Variants in LAMA3 observed in about 807,000 individuals in gnomAD.
LAMA3 encodes the protein laminin subunit alpha 3, also known as laminin subunit alpha-3.
Under a neutral mutation model 402.0 loss-of-function variants are expected in LAMA3, and 281 were observed. That is an observed-to-expected ratio of 0.70 (90% confidence interval 0.63 to 0.77). The LOEUF (loss-of-function observed/expected upper bound fraction) is 0.77. LAMA3 is among the 30% of genes least tolerant of loss of function. The pLI, the probability that LAMA3 is intolerant of heterozygous loss-of-function variation, is 0.00. For missense variants in LAMA3, 3,840 were observed against 4,215.5 expected (o/e 0.91, Z 2.47); for synonymous variants, 1,431 against 1,558.4 (o/e 0.92, Z 1.93).
intron 2 of LAMA3, among the ~76,000 whole-genome samples, chr18:23,738,815 C>G (rs1177406605): frequency 6.6e-6 from 1 of 152,192 alleles, no homozygotes; most frequent in Non-Finnish European, 1.5e-5. Flanking sequence ...GCATCACTTG[C>G]TCTAGATGCA....
In LAMA3 at chr18:23,748,060, C is replaced by G; in HGVS notation, c.565C>G (p.His189Asp). 2 of 1,515,372 alleles carry G rather than the reference C, an allele frequency of 1.3e-6. No homozygotes were observed. Among genetic ancestry groups the G allele is most frequent in the Non-Finnish European group, 1.8e-6 (2 of 1,089,902 alleles). 93.9% of individuals were successfully genotyped at this position (1,515,372 alleles called of 1,614,324 possible). The change falls in exon 3 of 75, where the codon CAT becomes GAT. Residue 189 changes from histidine to aspartate, a missense_variant and splice_region_variant. His to Asp is a moderately conservative substitution (Grantham distance 81). This residue lies in a region of LAMA3 where 2,109 missense variants were observed against 2,376.0 expected (regional missense o/e 0.89). Coordinates refer to ENST00000313654, the MANE Select transcript of LAMA3 (RefSeq NM_198129.4). Reference protein sequence around the residue: ...STYSPWQYFAHSKVDCLKEFG... With the variant: ...STYSPWQYFADSKVDCLKEFG... Reference sequence around the variant, plus strand: ...CTACTCACCATGGCAATATTTTGCTCGTAAGTAATCTTGCCTACCATGTTA... The same window carrying G: ...CTACTCACCATGGCAATATTTTGCTGGTAAGTAATCTTGCCTACCATGTTA...
rs143606573 is a variant in LAMA3, at chr18:23,746,433, A to G, written c.448-1510A>G. On this transcript the variant is annotated intron_variant, in intron 2 of 74. Coordinates refer to ENST00000313654, the MANE Select transcript of LAMA3 (RefSeq NM_198129.4). The stretch of plus-strand genomic sequence containing the variant: ...GTCCTCCTTCCTCCATTACAGATCT[A>G]TGTGAGGCCAGATCTTCAAATACTT... 3.1e-3 allele frequency among the ~76,000 whole-genome samples: 478 copies of G among 152,212 alleles called. 3 individuals are homozygous for G. Among genetic ancestry groups the G allele is most frequent in the Non-Finnish European group, 2.5e-3 (167 of 68,012 alleles).
chr18:23,936,325 G>C (rs1054914373), intron 67 of LAMA3, among the ~76,000 whole-genome samples: 1 of 151,128 alleles, frequency 6.6e-6, no homozygotes, highest in Non-Finnish European at 1.5e-5. Flanking sequence ...TGTCATGTTG[G>C]TGTGCTGCAC....
In LAMA3 at chr18:23,912,889, T is replaced by C. The variant is rs749214371; in HGVS notation, c.7329+8T>C. On this transcript the variant is annotated splice_region_variant and intron_variant, in intron 56 of 74. Transcript: ENST00000313654. ...TACCTTGGAAATAAAGATGTAAGTA[T>C]TGCTTGGACATCTCTCTTGTTTTTG... The C allele has an allele frequency of 1.9e-6, 3 of 1,610,416 alleles. No individual in the cohort carries two copies. The highest frequency in any genetic ancestry group is 2.7e-5 in the African/African-American group (2 of 74,868).
chr18:23,706,384 T>C (rs1480387717), intron 1 of LAMA3, among the ~76,000 whole-genome samples: 2 of 152,190 alleles, frequency 1.3e-5, no homozygotes, highest in African/African-American at 4.8e-5. Flanking sequence ...ATTTCAACTT[T>C]AGGTGGTAAT....
At chr18:23,778,339 TG>T (rs2062366601) in intron 11 of LAMA3, among the ~76,000 whole-genome samples, 1 of 152,206 alleles carries the variant, frequency 6.6e-6, no homozygotes, top group African/African-American at 2.4e-5. Context: ...CCAGCTTTCT[TG>T]GAGCTTATAT....
chr18:23,948,679 C>G (rs553331040), intron 70 of LAMA3, among the ~76,000 whole-genome samples: 1 of 152,074 alleles, frequency 6.6e-6, no homozygotes, highest in Admixed American at 6.5e-5. Flanking sequence ...AAACGATTCT[C>G]CTGCCTCAGT....
rs373710114 is a variant in LAMA3, at chr18:23,861,734, C to A, written c.4511C>A (p.Ala1504Glu). ...AACCCAGGCAGCAACAGTATGGTGG[C>A]GGATCTCCAGGAGCTGCCCGCAACC... ...SFNPGSNSMV[A>E]DLQELPATIH... is the part of the protein sequence containing the mutation. The change falls in exon 35 of 75, where the codon GCG (alanine) becomes GAG (glutamate). Residue 1504 changes from alanine (A) to glutamate (E), a missense_variant. Physicochemically the swap from Ala to Glu is moderately radical, Grantham distance 107. Transcript: ENST00000313654. The A allele has an allele frequency of 6.2e-7, 1 of 1,613,862 alleles. No individual in the cohort carries two copies. Among genetic ancestry groups the A allele is most frequent in the East Asian group, 2.2e-5 (1 of 44,886 alleles).
chr18:23,861,862 A>C, intron 35 of LAMA3, 55 bp downstream of exon 35: 1 of 1,523,818 alleles, frequency 6.6e-7, no homozygotes, highest in Non-Finnish European at 8.9e-7. Flanking sequence ...CTATTGCTGC[A>C]TGAGCATCAT....
chr18:23,921,209 C>T (rs963140468), intron 61 of LAMA3, among the ~76,000 whole-genome samples, 155 bp downstream of exon 61: 7 of 152,144 alleles, frequency 4.6e-5, no homozygotes, highest in African/African-American at 1.2e-4. Flanking sequence ...TTGCACATTT[C>T]GGCATGAAAT....
intron 12 of LAMA3, among the ~76,000 whole-genome samples, chr18:23,798,356 T>A (rs2144158185): frequency 6.6e-6 from 1 of 152,266 alleles, no homozygotes; most frequent in Non-Finnish European, 1.5e-5. Flanking sequence ...TAGAGTCTGA[T>A]GTAGTCTTTG....
chr18:23,763,402 C>T lies in LAMA3; in HGVS notation c.1064-3C>T, dbSNP rs750936809. The T allele has an allele frequency of 2.5e-6, 4 of 1,587,226 alleles. No homozygotes were observed. In the African/African-American group the frequency reaches 5.4e-5, roughly 21 times the overall value. ...ATATTGACTTATTATGCTTTTTTTTCAGCATGCAACTGCCACGGCCATGCC... is the reference window on the plus strand; with the variant it reads ...ATATTGACTTATTATGCTTTTTTTTTAGCATGCAACTGCCACGGCCATGCC... On this transcript the variant is annotated splice_region_variant and splice_polypyrimidine_tract_variant and intron_variant, in intron 7 of 74. Transcript: ENST00000313654.
Position 23,814,414 on chromosome 18 carries a change from A to G in LAMA3, c.1800A>G (p.Gln600=), listed in dbSNP as rs763390224. 1.2e-5 allele frequency: 19 copies of G among 1,612,128 alleles called. No homozygotes were observed. Among genetic ancestry groups the G allele is most frequent in the Non-Finnish European group, 1.6e-5 (19 of 1,178,266 alleles). ...ATTTTCATTCAAAGGGGTATTGCCA[A>G]TGCAAGCTTCATGTTGAAGGTCCTA... ...GTINSNLGYC[Q]CKLHVEGPTC... The change falls in exon 15 of 75, where the codon CAA becomes CAG. Residue 600 remains glutamine, a synonymous_variant. Transcript: ENST00000313654.
chr18:23,746,141 C>T (rs746951500), intron 2 of LAMA3, among the ~76,000 whole-genome samples: 11 of 152,100 alleles, frequency 7.2e-5, no homozygotes, highest in Admixed American at 2.0e-4. Context: ...ACTTTTTCCA[C>T]GTGTTGGTAG....
intron 13 of LAMA3, among the ~76,000 whole-genome samples, chr18:23,810,774 T>A (rs1272024512): frequency 6.6e-6 from 1 of 152,190 alleles, no homozygotes; most frequent in Non-Finnish European, 1.5e-5. Flanking sequence ...GTTTCTTGGT[T>A]CACATGTCAG....
chr18:23,929,623 C>T (rs1433189084), intron 64 of LAMA3, among the ~76,000 whole-genome samples: 1 of 151,494 alleles, frequency 6.6e-6, no homozygotes, highest in Non-Finnish European at 1.5e-5. Flanking sequence ...GGAAGGCTGC[C>T]CCTCTCTTGG....
In LAMA3 at chr18:23,856,442, A is replaced by G. The variant is rs145500509; in HGVS notation, c.4137-1402A>G. 6.6e-3 allele frequency among the ~76,000 whole-genome samples: 1,008 copies of G among 152,356 alleles called. 11 individuals are homozygous for G. Among genetic ancestry groups the G allele is most frequent in the African/African-American group, 0.023 (947 of 41,574 alleles). On this transcript the variant is annotated intron_variant, in intron 32 of 74. Transcript: ENST00000313654. ...TTTCTAATACTTCCCTTAGTCCCAC[A>G]GAAGAGAATCAGTGTGTAGGTAGAT...
chr18:23,941,335 C>CAA (rs2082510811), intron 68 of LAMA3, among the ~76,000 whole-genome samples: 1 of 142,870 alleles, frequency 7.0e-6, no homozygotes, highest in Admixed American at 6.9e-5. Context: ...CGCCCCCCCC[C>CAA]CGCCCGGCAG....
chr18:23,795,724 A>T (rs62094788), intron 12 of LAMA3, among the ~76,000 whole-genome samples: 119,844 of 151,370 alleles, frequency 0.79, 48,176 homozygotes, highest in African/African-American at 0.94. Context: ...TAAAATATAT[A>T]TATTTTTTTT....
Sources: allele counts gnomAD v4.1 joint callset (sites outside exome capture counted in the v4.1 genomes callset), GRCh38; gene constraint gnomAD v4.1.1; regional missense constraint gnomAD v4.1.1; transcripts MANE v1.5; gene names NCBI Gene and HGNC (gene_info 2026-07-23, HGNC 2026-07-21).